SLC4A4: variants seen among roughly 807,000 people sequenced by gnomAD.
The protein encoded by SLC4A4 is electrogenic sodium bicarbonate cotransporter 1.
In SLC4A4, 27 loss-of-function variants were observed where a neutral mutation model predicts 111.5. The observed-to-expected ratio is 0.24, with a 90% CI of 0.18 to 0.33. The LOEUF is 0.33. Ranked by LOEUF, SLC4A4 falls within the 10% of genes least tolerant of loss-of-function variation. The probability of loss-of-function intolerance (pLI) is 1.00; values close to 1 mark genes in which losing one functional copy is unlikely to be tolerated. For synonymous variants in SLC4A4, 443 were observed against 463.4 expected (o/e 0.96, Z 0.57); for missense variants, 909 against 1,315.5 (o/e 0.69, Z 4.78).
intron 14 of SLC4A4, among the ~76,000 whole-genome samples, chr4:71,473,474 C>G (rs907236967): frequency 6.6e-6 from 1 of 151,336 alleles, no homozygotes; most frequent in Non-Finnish European, 1.5e-5. Context: ...TTGGAATTGC[C>G]TACTGGTAGA....
intron 9 of SLC4A4, among the ~76,000 whole-genome samples, chr4:71,449,670 A>G (rs1208740703): frequency 6.6e-6 from 1 of 152,222 alleles, no homozygotes; most frequent in Non-Finnish European, 1.5e-5. Flanking sequence ...ATGAAGTATG[A>G]AAGACTTAGG....
chr4:71,309,307 G>C (rs544374946), intron 3 of SLC4A4, among the ~76,000 whole-genome samples: 1 of 152,166 alleles, frequency 6.6e-6, no homozygotes, highest in Admixed American at 6.5e-5. Context: ...AAACATTCCT[G>C]CCTGCCGGCT....
chr4:71,542,814 C>T (rs1329424786), intron 18 of SLC4A4, among the ~76,000 whole-genome samples: 6 of 152,050 alleles, frequency 3.9e-5, no homozygotes, highest in South Asian at 2.1e-4. Flanking sequence ...TCCAGTAAAC[C>T]ACTGGAGGGA....
chr4:71,405,338 T>C (rs930404754), intron 7 of SLC4A4, among the ~76,000 whole-genome samples: 9 of 152,256 alleles, frequency 5.9e-5, no homozygotes, highest in African/African-American at 2.2e-4. Flanking sequence ...AGATGAATAC[T>C]TATATATTTC....
At chr4:71,555,585 A>G (rs918060698) in intron 21 of SLC4A4, among the ~76,000 whole-genome samples, 1 of 151,908 alleles carries the variant, frequency 6.6e-6, no homozygotes, top group Non-Finnish European at 1.5e-5. Flanking sequence ...CCTTAACTCT[A>G]TACTAAAAAC....
intron 20 of SLC4A4, among the ~76,000 whole-genome samples, chr4:71,552,713 G>T (rs768874684): frequency 1.3e-5 from 2 of 151,556 alleles, no homozygotes; most frequent in African/African-American, 4.8e-5. Context: ...TGCTTTCTGG[G>T]TATGATTGGT....
chr4:71,259,534 C>T (rs189249053), intron 3 of SLC4A4, among the ~76,000 whole-genome samples: 10 of 151,842 alleles, frequency 6.6e-5, no homozygotes, highest in Non-Finnish European at 1.2e-4. Flanking sequence ...GAAGAACAAG[C>T]AGGAGAGACA....
chr4:71,548,341 T>C (rs907167113), intron 20 of SLC4A4, among the ~76,000 whole-genome samples: 1 of 151,854 alleles, frequency 6.6e-6, no homozygotes, highest in Non-Finnish European at 1.5e-5. Flanking sequence ...TTTAGAAAAT[T>C]AGGGGTCAAT....
At chr4:71,398,406 A>G (rs1720036228) in intron 7 of SLC4A4, among the ~76,000 whole-genome samples, 1 of 152,156 alleles carries the variant, frequency 6.6e-6, no homozygotes, top group Non-Finnish European at 1.5e-5. Flanking sequence ...TTTGTCTATT[A>G]AAACATATAG....
At chr4:71,105,116 A>G (rs1742869492) in intron 2 of SLC4A4, among the ~76,000 whole-genome samples, 1 of 134,798 alleles carries the variant, frequency 7.4e-6, no homozygotes, top group African/African-American at 3.1e-5. Flanking sequence ...AAGCATTCTT[A>G]TACACCAACA....
chr4:71,167,489 A>G (rs1744809214), intron 2 of SLC4A4, among the ~76,000 whole-genome samples: 1 of 152,192 alleles, frequency 6.6e-6, no homozygotes, highest in South Asian at 2.1e-4. Flanking sequence ...CACATCAGAG[A>G]AGAGGATGTG....
chr4:71,092,242 T>C (rs1290977153), intron 1 of SLC4A4, among the ~76,000 whole-genome samples: 2 of 150,746 alleles, frequency 1.3e-5, no homozygotes, highest in Non-Finnish European at 1.5e-5. Context: ...AAGCTCATTT[T>C]AAGTAGAAGC....
intron 2 of SLC4A4, among the ~76,000 whole-genome samples, chr4:71,124,459 C>T (rs755354126): frequency 1.3e-5 from 2 of 151,788 alleles, no homozygotes; most frequent in Non-Finnish European, 2.9e-5. Flanking sequence ...CATGAGCCAC[C>T]GTGCCCAGCC....
intron 20 of SLC4A4, among the ~76,000 whole-genome samples, chr4:71,552,378 T>TAC (rs146929104): frequency 4.6e-5 from 7 of 150,818 alleles, no homozygotes; most frequent in East Asian, 3.9e-4. Flanking sequence ...CACACACACA[T>TAC]ACACACACAC....
chr4:71,446,499 T>A (rs893608784), intron 8 of SLC4A4, among the ~76,000 whole-genome samples: 10 of 152,142 alleles, frequency 6.6e-5, no homozygotes, highest in African/African-American at 2.4e-4. Context: ...AAATATGTGG[T>A]GAAAAGAACA....
chr4:71,561,706 A>G (rs545146346), intron 23 of SLC4A4, among the ~76,000 whole-genome samples: 3 of 151,924 alleles, frequency 2.0e-5, no homozygotes, highest in South Asian at 4.1e-4. Flanking sequence ...TGTTTAAACT[A>G]CAGAAGAGAC....
chr4:71,150,950 C>A (rs978342564), intron 2 of SLC4A4, among the ~76,000 whole-genome samples: 1 of 152,148 alleles, frequency 6.6e-6, no homozygotes, highest in African/African-American at 2.4e-5. Context: ...AAAGACCATG[C>A]CTCAAATTGT....
intron 1 of SLC4A4, among the ~76,000 whole-genome samples, chr4:71,091,265 T>G (rs1483241560): frequency 6.6e-6 from 1 of 151,530 alleles, no homozygotes; most frequent in Non-Finnish European, 1.5e-5. Flanking sequence ...TTTTTTTTTT[T>G]TTTTTGAGCC....
At chr4:71,177,562 G>A (rs917033959) in intron 2 of SLC4A4, among the ~76,000 whole-genome samples, 3 of 152,174 alleles carry the variant, frequency 2.0e-5, no homozygotes, top group Admixed American at 1.3e-4. Flanking sequence ...TAAACCAACA[G>A]AGATCAAAAG....
Sources: allele counts gnomAD v4.1 joint callset (sites outside exome capture counted in the v4.1 genomes callset), GRCh38; gene constraint gnomAD v4.1.1; transcripts MANE v1.5; gene names NCBI Gene and HGNC (gene_info 2026-07-23, HGNC 2026-07-21).